Variants in FOCAD observed in about 807,000 individuals in gnomAD.
The protein encoded by FOCAD is KIAA1797.
Under a neutral mutation model 225.6 loss-of-function variants are expected in FOCAD, and 198 were observed. That is an observed-to-expected ratio of 0.88 (90% CI 0.78 to 0.99). The LOEUF is 0.99. Ranked by LOEUF, FOCAD falls within the 50% of genes least tolerant of loss-of-function variation. The pLI, the probability that FOCAD is intolerant of heterozygous loss-of-function variation, is 0.00. For synonymous variants in FOCAD, 897 were observed against 755.0 expected (o/e 1.19, Z -3.08); for missense variants, 2,713 against 2,123.6 (o/e 1.28, Z -5.46).
chr9:20,991,945 T>C (rs774593847), intron 42 of FOCAD, among the ~76,000 whole-genome samples: 4 of 152,232 alleles, frequency 2.6e-5, no homozygotes, highest in Admixed American at 1.3e-4. Context: ...CTTGACTTTT[T>C]TGCTTATCGG....
At chr9:20,994,676 T>C (rs1564258758) in intron 43 of FOCAD, among the ~76,000 whole-genome samples, 1 of 152,248 alleles carries the variant, frequency 6.6e-6, no homozygotes, top group Non-Finnish European at 1.5e-5. Flanking sequence ...TTTCACATTA[T>C]CCATCCCTAG....
chr9:20,967,557 G>A (rs1839377878), intron 35 of FOCAD, among the ~76,000 whole-genome samples: 1 of 152,038 alleles, frequency 6.6e-6, no homozygotes, highest in Non-Finnish European at 1.5e-5. Flanking sequence ...GGTGAAACTG[G>A]GAATCCTGTC....
chr9:20,886,560 A>T (rs564711396), intron 21 of FOCAD, among the ~76,000 whole-genome samples: 15 of 152,340 alleles, frequency 9.8e-5, no homozygotes, highest in Admixed American at 9.2e-4. Flanking sequence ...ATCAGAAGTT[A>T]TGAGGTGTGT....
At chr9:20,709,729 G>T (rs751146887) in intron 1 of FOCAD, among the ~76,000 whole-genome samples, 1 of 152,148 alleles carries the variant, frequency 6.6e-6, no homozygotes, top group Non-Finnish European at 1.5e-5. Flanking sequence ...AAGTCATATT[G>T]CAGCTTGGGT....
At chr9:20,853,646 G>A (rs951622138) in intron 15 of FOCAD, among the ~76,000 whole-genome samples, 3 of 151,632 alleles carry the variant, frequency 2.0e-5, no homozygotes, top group African/African-American at 7.3e-5. Context: ...GACAAAAGTT[G>A]TTCAACTATG....
At chr9:20,682,276 C>G (rs1356835064), upstream of FOCAD, among the ~76,000 whole-genome samples, 2 of 152,188 alleles carry the variant, frequency 1.3e-5, no homozygotes, top group Non-Finnish European at 2.9e-5. Flanking sequence ...AAGACGGTGT[C>G]AAAAGTAGAC....
intron 35 of FOCAD, among the ~76,000 whole-genome samples, chr9:20,965,306 A>G (rs1177583150): frequency 6.6e-6 from 1 of 152,164 alleles, no homozygotes; most frequent in Admixed American, 6.5e-5. Context: ...AATGATTCTG[A>G]CTTCAACTGA....
intron 10 of FOCAD, among the ~76,000 whole-genome samples, chr9:20,784,551 C>G (rs1819720382): frequency 6.6e-6 from 1 of 152,094 alleles, no homozygotes; most frequent in Non-Finnish European, 1.5e-5. Context: ...AAGCTAAATT[C>G]TTGTAATTGT....
intron 10 of FOCAD, among the ~76,000 whole-genome samples, chr9:20,784,274 G>A (rs963353948): frequency 1.2e-4 from 18 of 152,206 alleles, no homozygotes; most frequent in Non-Finnish European, 2.4e-4. Context: ...AAGCACACAG[G>A]AACCTGAAGA....
At chr9:20,664,072 T>C (rs1033603744) in intron 2 of FOCAD, among the ~76,000 whole-genome samples, 3 of 152,080 alleles carry the variant, frequency 2.0e-5, no homozygotes, top group Non-Finnish European at 2.9e-5. Flanking sequence ...AGCATTGTTG[T>C]TTTTATTAAT....
chr9:20,722,953 A>G (rs1244664774), intron 4 of FOCAD, among the ~76,000 whole-genome samples: 1 of 152,322 alleles, frequency 6.6e-6, no homozygotes, highest in South Asian at 2.1e-4. Context: ...TCAGCAGCTC[A>G]TGGGGCCAAT....
chr9:20,759,537 C>A (rs542914670), intron 6 of FOCAD, among the ~76,000 whole-genome samples: 1 of 152,170 alleles, frequency 6.6e-6, no homozygotes, highest in African/African-American at 2.4e-5. Context: ...GGATCCCTTC[C>A]TTACACCTTA....
chr9:20,931,055 C>G (rs1195878910), intron 27 of FOCAD, among the ~76,000 whole-genome samples: 1 of 152,188 alleles, frequency 6.6e-6, no homozygotes, highest in African/African-American at 2.4e-5. Flanking sequence ...TCATCCTATT[C>G]TGGCTCTGAC....
chr9:20,783,854 A>G (rs949574358), intron 10 of FOCAD, among the ~76,000 whole-genome samples: 1 of 152,220 alleles, frequency 6.6e-6, no homozygotes. Flanking sequence ...TATGAGTCAG[A>G]TTCCAGTCAG....
At chr9:20,772,791 C>T (rs189763790) in intron 8 of FOCAD, among the ~76,000 whole-genome samples, 1 of 152,036 alleles carries the variant, frequency 6.6e-6, no homozygotes, top group East Asian at 1.9e-4. Context: ...TATTACAAGT[C>T]ATTTGTCAAT....
At chr9:20,663,710 C>G (rs1029839371) in intron 2 of FOCAD, among the ~76,000 whole-genome samples, 1 of 152,196 alleles carries the variant, frequency 6.6e-6, no homozygotes, top group African/African-American at 2.4e-5. Context: ...AATACGTAAC[C>G]TCAAGCCTGA....
rs532105710 is a variant in FOCAD at position 20,889,101 on chromosome 9, G to T, written c.2625+3871G>T. On this transcript the variant is annotated intron_variant, in intron 21 of 43. Coordinates refer to ENST00000338382, the MANE Select transcript of FOCAD (RefSeq NM_001375567.1). ...TAGAACAATTTCATTACCCAGAAAA[G>T]AAACTGTGTACCCATTTGTAGTCAC... Among the ~76,000 whole-genome samples, 13 of 152,284 alleles carry T rather than the reference G, an allele frequency of 8.5e-5. No homozygotes were observed. The South Asian group carries it at 2.1e-3, about 24-fold the overall frequency.
chr9:20,737,537 A>G (rs1381612563), intron 4 of FOCAD, among the ~76,000 whole-genome samples: 2 of 152,202 alleles, frequency 1.3e-5, no homozygotes, highest in African/African-American at 2.4e-5. Context: ...AGTGGTATAT[A>G]AATAGCTTAA....
upstream of FOCAD, among the ~76,000 whole-genome samples, chr9:20,680,443 A>T (rs1305954508): frequency 6.6e-6 from 1 of 152,202 alleles, no homozygotes; most frequent in East Asian, 1.9e-4. Context: ...CTGTAGTCCC[A>T]GCTACTTGGG....
Sources: allele counts gnomAD v4.1 joint callset (sites outside exome capture counted in the v4.1 genomes callset), GRCh38; gene constraint gnomAD v4.1.1; transcripts MANE v1.5; gene names NCBI Gene and HGNC (gene_info 2026-07-23, HGNC 2026-07-21).